FBXL2: variants seen among roughly 807,000 people sequenced by gnomAD.
FBXL2 encodes F-box and leucine rich repeat protein 2.
In FBXL2, 38 loss-of-function variants were observed where a neutral mutation model predicts 69.2. That is an observed-to-expected ratio of 0.55 (90% CI 0.42 to 0.72). The LOEUF (loss-of-function observed/expected upper bound fraction) is 0.72, where lower values mean the gene tolerates loss of function less well. Ranked by LOEUF, FBXL2 falls within the 30% of genes least tolerant of loss-of-function variation. The pLI, the probability that FBXL2 is intolerant of heterozygous loss-of-function variation, is 0.00. For synonymous variants in FBXL2, 192 were observed against 201.3 expected, an observed-to-expected ratio of 0.95 and a Z score of 0.39; for missense variants, 354 against 520.3, an observed-to-expected ratio of 0.68 and a Z score of 3.11.
intron 2 of FBXL2, among the ~76,000 whole-genome samples, chr3:33,300,870 A>G (rs1028313718): frequency 2.4e-5 from 3 of 126,434 alleles, no homozygotes; most frequent in Non-Finnish European, 3.2e-5. Flanking sequence ...CACAACGCCC[A>G]GCTAATTTTT....
At chr3:33,371,166 A>ATTT (rs56918562) in intron 5 of FBXL2, among the ~76,000 whole-genome samples, 8 of 130,720 alleles carry the variant, frequency 6.1e-5, no homozygotes, top group South Asian at 2.4e-4. Flanking sequence ...TGTGGTTTTC[A>ATTT]TTTTTTTTTT....
At chr3:33,351,418 T>C (rs190855324) in intron 2 of FBXL2, among the ~76,000 whole-genome samples, 2 of 152,316 alleles carry the variant, frequency 1.3e-5, no homozygotes, top group South Asian at 2.1e-4. Context: ...CTGTTTACAT[T>C]AGCATCAAAA....
At chr3:33,390,956 T>C (rs1286613250), downstream of FBXL2, 1 of 152,346 alleles carries the variant, frequency 6.6e-6, no homozygotes, top group African/African-American at 2.4e-5. Context: ...GGAGATCCTA[T>C]GATTTCTAAT....
At chr3:33,341,499 C>T (rs937452949) in intron 2 of FBXL2, among the ~76,000 whole-genome samples, 1 of 152,028 alleles carries the variant, frequency 6.6e-6, no homozygotes, top group African/African-American at 2.4e-5. Flanking sequence ...ATGGTGCCTA[C>T]ACTTAGAAGA....
intron 1 of FBXL2, among the ~76,000 whole-genome samples, chr3:33,285,275 G>T (rs927800285): frequency 6.6e-6 from 1 of 152,140 alleles, no homozygotes; most frequent in Non-Finnish European, 1.5e-5. Flanking sequence ...GTCTGTAAAG[G>T]ATTTTATTTC....
chr3:33,416,648 G>A, the FBXL2 span: 2 of 818,492 alleles, frequency 2.4e-6, no homozygotes, highest in Non-Finnish European at 3.7e-6. Context: ...AGCTCATAAA[G>A]TTAAAAAGTT....
chr3:33,277,723 C>T (rs945762428), intron 1 of FBXL2, among the ~76,000 whole-genome samples: 7 of 151,984 alleles, frequency 4.6e-5, no homozygotes, highest in Admixed American at 3.3e-4. Context: ...TGCCGGGGGG[C>T]GACCGCGATG....
chr3:33,278,345 C>T (rs1214602755), intron 1 of FBXL2: 1 of 151,952 alleles, frequency 6.6e-6, no homozygotes, highest in Non-Finnish European at 1.5e-5. Flanking sequence ...AAGAGAGGAG[C>T]TAGACTCCTT....
At chr3:33,317,664 G>T in intron 2 of FBXL2, 1 of 353,866 alleles carries the variant, frequency 2.8e-6, no homozygotes, top group Non-Finnish European at 5.7e-6. Context: ...TACTGGAGGG[G>T]GCTCCCTTAC....
At chr3:33,398,879 T>C (rs1347280169) in intron 12 of FBXL2, among the ~76,000 whole-genome samples, 1 of 152,206 alleles carries the variant, frequency 6.6e-6, no homozygotes, top group East Asian at 1.9e-4. Context: ...CCCTGAAATT[T>C]TACAATTTCT....
At chr3:33,300,598 A>T (rs1052036131) in intron 2 of FBXL2, 4 of 152,138 alleles carry the variant, frequency 2.6e-5, no homozygotes, top group Non-Finnish European at 1.5e-5. Flanking sequence ...ACTCTAGCCA[A>T]CCATGTATTT....
intron 2 of FBXL2, among the ~76,000 whole-genome samples, chr3:33,354,821 C>T (rs2041084997): frequency 6.6e-6 from 1 of 152,154 alleles, no homozygotes; most frequent in African/African-American, 2.4e-5. Context: ...GTTCATTATT[C>T]ACTGGTGAAT....
At chr3:33,416,926 A>G in the FBXL2 span, 1 of 1,070,574 alleles carries the variant, frequency 9.3e-7, no homozygotes. Context: ...CAGAACATAC[A>G]TTACACAATG....
At chr3:33,288,573 A>T (rs368109034) in intron 1 of FBXL2, among the ~76,000 whole-genome samples, 5 of 152,210 alleles carry the variant, frequency 3.3e-5, no homozygotes, top group African/African-American at 1.2e-4. Flanking sequence ...AGGATATGCC[A>T]TGGGAATGCC....
At chr3:33,360,185 G>T (rs554039480) in intron 4 of FBXL2, among the ~76,000 whole-genome samples, 3 of 152,210 alleles carry the variant, frequency 2.0e-5, no homozygotes, top group Non-Finnish European at 2.9e-5. Flanking sequence ...TAGTATGTTT[G>T]CTATGTGTTT....
intron 2 of FBXL2, among the ~76,000 whole-genome samples, chr3:33,302,457 A>T (rs1019833511): frequency 1.3e-5 from 2 of 152,202 alleles, no homozygotes; most frequent in African/African-American, 4.8e-5. Flanking sequence ...TAAAACTCAG[A>T]TTATAAATTA....
At chr3:33,380,558 A>AG (rs960083620) in intron 13 of FBXL2, among the ~76,000 whole-genome samples, 1 of 129,162 alleles carries the variant, frequency 7.7e-6, no homozygotes, top group African/African-American at 2.5e-5. Context: ...AACTCCATAA[A>AG]AAAAAAAAAA....
chr3:33,322,151 C>T (rs1286505331), intron 2 of FBXL2, among the ~76,000 whole-genome samples: 1 of 138,582 alleles, frequency 7.2e-6, no homozygotes, highest in Non-Finnish European at 1.5e-5. Context: ...CATCTTGGCT[C>T]ACTGCAAGCT....
At chr3:33,303,226 C>T in intron 2 of FBXL2, 1 of 453,534 alleles carries the variant, frequency 2.2e-6, no homozygotes, top group Non-Finnish European at 4.4e-6. Context: ...GATTTTCCCT[C>T]TTTGCCGAAG....
Sources: gnomAD v4.1 joint callset for allele counts (sites outside exome capture counted in the v4.1 genomes callset) on GRCh38, gnomAD v4.1.1 for gene constraint, MANE v1.5 for transcripts, NCBI Gene and HGNC (gene_info 2026-07-23, HGNC 2026-07-21) for gene names.